PRRC2A: variants seen among roughly 807,000 people sequenced by gnomAD.
PRRC2A encodes protein PRRC2A.
Under a neutral mutation model 224.6 loss-of-function variants are expected in PRRC2A, and 59 were observed. The observed-to-expected ratio is 0.26, with a 90% CI of 0.21 to 0.33. The LOEUF (loss-of-function observed/expected upper bound fraction) is 0.33, where lower values mean the gene tolerates loss of function less well. Ranked by LOEUF, PRRC2A falls within the 10% of genes least tolerant of loss-of-function variation. The pLI is 1.00. For missense variants in PRRC2A, 3,095 were observed against 2,880.7 expected, an observed-to-expected ratio of 1.07 and a Z score of -1.70; for synonymous variants, 1,194 against 1,109.5, an observed-to-expected ratio of 1.08 and a Z score of -1.51.
chr6:31,631,818 G>A lies in PRRC2A; in HGVS notation c.3145G>A (p.Ala1049Thr), dbSNP rs1468298845. The A allele has an allele frequency of 6.3e-6, 10 of 1,594,276 alleles. No individual in the cohort carries two copies. The highest frequency in any genetic ancestry group is 2.2e-5 in the East Asian group (1 of 44,550). The stretch of plus-strand genomic sequence containing the variant: ...GACCTATGGGGGACGAGGGCGGGGA[G>A]CCCGAAGCCGGGAATTCCGCAGTTA... Reference protein sequence around the residue: ...RGTYGGRGRGARSREFRSYRE... With the variant: ...RGTYGGRGRGTRSREFRSYRE... Residue 1049 changes from alanine to threonine, a missense_variant, in exon 16 of 31, where the codon GCC becomes ACC. By Grantham distance (58) the Ala-to-Thr change is moderately conservative (BLOSUM62 0). This residue lies in a region of PRRC2A where 2,001 missense variants were observed against 1,764.9 expected (regional missense o/e 1.13). Coordinates refer to ENST00000376033, the MANE Select transcript of PRRC2A (RefSeq NM_004638.4). The surrounding 1 kb of genome is among the most constrained non-coding windows in gnomAD (Gnocchi z 4.5).
chr6:31,627,982 G>A lies in PRRC2A; in HGVS notation c.1508G>A (p.Arg503Gln), dbSNP rs774627232. Reference protein sequence around the residue: ...LDEKFGAPDKRLKAEPAAPPA... With the variant: ...LDEKFGAPDKQLKAEPAAPPA... Reference sequence around the variant, plus strand: ...GAAAAGTTTGGGGCACCTGACAAGCGGCTCAAAGCAGAGCCTGCTGCCCCA... The same window carrying A: ...GAAAAGTTTGGGGCACCTGACAAGCAGCTCAAAGCAGAGCCTGCTGCCCCA... The change falls in exon 12 of 31, where the codon CGG becomes CAG. Residue 503 changes from arginine to glutamine, a missense_variant. Coordinates refer to ENST00000376033, the MANE Select transcript of PRRC2A (RefSeq NM_004638.4). The surrounding 1 kb of genome is among the most constrained non-coding windows in gnomAD (Gnocchi z 5.6). 146 of 1,612,814 alleles carry A rather than the reference G, an allele frequency of 9.1e-5. No individual in the cohort carries two copies. Among genetic ancestry groups the A allele is most frequent in the Non-Finnish European group, 1.2e-4 (137 of 1,180,008 alleles).
At chr6:31,624,660 A>G (rs1775690963) in intron 5 of PRRC2A, 138 bp downstream of exon 5, 2 of 967,532 alleles carry the variant, frequency 2.1e-6, no homozygotes, top group Non-Finnish European at 1.6e-6. Context: ...ATGGAGGCAC[A>G]TGAGCAAGTT....
rs763750945 is a variant in PRRC2A, at chr6:31,636,579, T to A, written c.5905T>A (p.Phe1969Ile). The A allele has an allele frequency of 1.9e-6, 3 of 1,606,970 alleles. No individual in the cohort carries two copies. The South Asian group carries it at 3.3e-5, about 18-fold the overall frequency. ...TCTGCAGCCTGGTGGCCAAAGTGGC[T>A]TTCTCCCTTCAGGGGCTCCTGCCCA... ...TPLQPGGQSG[F>I]LPSGAPAQQM... Residue 1969 changes from phenylalanine to isoleucine, a missense_variant, in exon 27 of 31, where the codon TTT (phenylalanine) becomes ATT (isoleucine). Around this residue, in one of 8 missense-constraint regions of PRRC2A, gnomAD observed 662 missense variants for 609.5 expected, o/e 1.09. Transcript: ENST00000376033. The surrounding 1 kb of genome is among the most constrained non-coding windows in gnomAD (Gnocchi z 4.3).
intron 21 of PRRC2A, 73 bp downstream of exon 21, chr6:31,635,050 C>T (rs763261359): frequency 1.3e-6 from 2 of 1,596,702 alleles, no homozygotes; most frequent in Admixed American, 1.7e-5. Flanking sequence ...TCTGCTTTTT[C>T]TCTCTGCGTG....
chr6:31,625,953 C>G lies in PRRC2A; in HGVS notation c.840-67C>G. 4 of 1,594,538 alleles carry G rather than the reference C, an allele frequency of 2.5e-6. No individual in the cohort carries two copies. The highest frequency in any genetic ancestry group is 3.4e-6 in the Non-Finnish European group (4 of 1,167,202). On this transcript the variant is annotated intron_variant, in intron 8 of 30. Coordinates refer to ENST00000376033, the MANE Select transcript of PRRC2A (RefSeq NM_004638.4). This position sits in a 1 kb window ranked among gnomAD's most constrained non-coding sequence, Gnocchi z 4.1. Reference sequence around the variant, plus strand: ...GAGATGGTTTTCTAGCCAGGAGGCTCAGTCTAGGATCAGTCTCGCATGTGG... The same window carrying G: ...GAGATGGTTTTCTAGCCAGGAGGCTGAGTCTAGGATCAGTCTCGCATGTGG...
Position 31,627,429 on chromosome 6 carries a change from G to A in PRRC2A, c.1290+231G>A, listed in dbSNP as rs903140749. On this transcript the variant is annotated intron_variant, in intron 11 of 30. Transcript: ENST00000376033. This position sits in a 1 kb window ranked among gnomAD's most constrained non-coding sequence, Gnocchi z 5.6. ...AGGAAAGAAGAAAAAGGAGCCCTGGGTGTTTGGGTTTCGGAAGGAGAGAGG... is the reference window on the plus strand; with the variant it reads ...AGGAAAGAAGAAAAAGGAGCCCTGGATGTTTGGGTTTCGGAAGGAGAGAGG... Among the ~76,000 whole-genome samples the A allele has an allele frequency of 6.6e-5, 10 of 152,186 alleles. No individual in the cohort carries two copies. In the South Asian group the frequency reaches 1.0e-3, roughly 16 times the overall value.
chr6:31,632,479 G>T lies in PRRC2A; in HGVS notation c.3806G>T (p.Arg1269Met). The change falls in exon 16 of 31, where the codon AGG becomes ATG. Residue 1269 changes from arginine to methionine, a missense_variant. Arg to Met is a moderately conservative substitution (Grantham distance 91). Around this residue, in one of 8 missense-constraint regions of PRRC2A, gnomAD observed 2,001 missense variants for 1,764.9 expected, o/e 1.13. Transcript: ENST00000376033. ...RLKQERENAARGSEGKPSLTL... is the reference protein window; with the variant it reads ...RLKQERENAAMGSEGKPSLTL... ...AAGCAGGAACGGGAGAATGCCGCAA[G>T]GGGGTCTGAGGGCAAGCCCTCCCTA... The T allele has an allele frequency of 2.5e-6, 4 of 1,606,938 alleles. No individual in the cohort carries two copies. In the South Asian group the frequency reaches 4.4e-5, roughly 18 times the overall value.
At chr6:31,621,353 C>G (rs928626663) in intron 1 of PRRC2A, among the ~76,000 whole-genome samples, 1 of 152,186 alleles carries the variant, frequency 6.6e-6, no homozygotes, top group African/African-American at 2.4e-5. Context: ...CTGCTTTTAT[C>G]CCAGCATCTT....
intron 2 of PRRC2A, among the ~76,000 whole-genome samples, chr6:31,623,522 C>A (rs1583179116): frequency 6.6e-6 from 1 of 152,254 alleles, no homozygotes. Context: ...CTGCCTCGGC[C>A]TGCCAAAGTG....
chr6:31,635,374 C>A lies in PRRC2A; in HGVS notation c.5302-20C>A. On this transcript the variant is annotated intron_variant, in intron 22 of 30. Coordinates refer to ENST00000376033, the MANE Select transcript of PRRC2A (RefSeq NM_004638.4). The stretch of plus-strand genomic sequence containing the variant: ...CATGTCTGTCACGGGACAATGTCTC[C>A]TGCCTTCTTGTGATCACAGGACTCA... 1 of 1,614,206 alleles carries A rather than the reference C, an allele frequency of 6.2e-7. No individual in the cohort carries two copies. Among genetic ancestry groups the A allele is most frequent in the Non-Finnish European group, 8.5e-7 (1 of 1,180,004 alleles).
In PRRC2A at chr6:31,636,701, C is replaced by T; in HGVS notation, c.5935-32C>T. ...TGGTTTTCTGACATTCCTCCCTGCC[C>T]CCAACATGCACACCCAAATTTCTTG... On this transcript the variant is annotated intron_variant, in intron 27 of 30. Coordinates refer to ENST00000376033, the MANE Select transcript of PRRC2A (RefSeq NM_004638.4). The surrounding 1 kb of genome is among the most constrained non-coding windows in gnomAD (Gnocchi z 4.3). 6.2e-7 allele frequency: 1 copy of T among 1,602,912 alleles called. No homozygotes were observed. Among genetic ancestry groups the T allele is most frequent in the Non-Finnish European group, 8.5e-7 (1 of 1,174,298 alleles).
In PRRC2A at chr6:31,630,678, G is replaced by A. The variant is rs1776449603; in HGVS notation, c.2342G>A (p.Gly781Asp). The A allele has an allele frequency of 6.2e-7, 1 of 1,614,144 alleles. No homozygotes were observed. The highest frequency in any genetic ancestry group is 8.5e-7 in the Non-Finnish European group (1 of 1,180,012). Reference sequence around the variant, plus strand: ...GCACCTGCTATGTTACGGGAACGGGGCACTCCACCGGTGGATCCAAAGTTG... The same window carrying A: ...GCACCTGCTATGTTACGGGAACGGGACACTCCACCGGTGGATCCAAAGTTG... ...RHAPAMLRERGTPPVDPKLAW... is the reference protein window; with the variant it reads ...RHAPAMLRERDTPPVDPKLAW... Residue 781 changes from glycine to aspartate, a missense_variant, in exon 15 of 31, where the codon GGC (glycine) becomes GAC (aspartate). By Grantham distance (94) the Gly-to-Asp change is moderately conservative. Coordinates refer to ENST00000376033, the MANE Select transcript of PRRC2A (RefSeq NM_004638.4).
intron 1 of PRRC2A, among the ~76,000 whole-genome samples, chr6:31,621,429 C>T (rs531838500): frequency 6.6e-6 from 1 of 152,256 alleles, no homozygotes; most frequent in South Asian, 2.1e-4. Context: ...CGTCTCCTTT[C>T]TCCCCCAACC....
rs572371774 is a variant in PRRC2A, at chr6:31,633,618, C to A, written c.4559C>A (p.Pro1520His). 99 of 1,612,284 alleles carry A rather than the reference C, an allele frequency of 6.1e-5. 1 individual carries two copies. In the South Asian group the frequency reaches 1.1e-3, roughly 18 times the overall value. The change falls in exon 17 of 31, where the codon CCC becomes CAC. Residue 1520 changes from proline to histidine, a missense_variant. Pro to His is a moderately conservative substitution (Grantham distance 77). Coordinates refer to ENST00000376033, the MANE Select transcript of PRRC2A (RefSeq NM_004638.4). ...CCTAGGCCCCCAACCCGATACGAGC[C>A]CCAGAGGGTCAACAGCGGCCTCAGT... The part of the protein sequence containing the change: ...PSPRPPTRYE[P>H]QRVNSGLSSD...
chr6:31,626,426 G>A (rs938731343), intron 9 of PRRC2A, among the ~76,000 whole-genome samples: 4 of 151,922 alleles, frequency 2.6e-5, no homozygotes, highest in African/African-American at 9.7e-5. Flanking sequence ...GGTGTGGACT[G>A]TGCATCTGTG....
In PRRC2A at chr6:31,629,304, G is replaced by A. The variant is rs140889905; in HGVS notation, c.1926G>A (p.Ser642=). 1.9e-5 allele frequency: 30 copies of A among 1,576,084 alleles called. No homozygotes were observed. In the African/African-American group the frequency reaches 2.5e-4, roughly 13 times the overall value. Residue 642 remains serine (S), a synonymous_variant, in exon 13 of 31, where the codon TCG becomes TCA. Transcript: ENST00000376033. ...QGLGYPKYQK[S]LPPRFQRQQQ... ...TGGGCTACCCCAAATATCAGAAGTC[G>A]TTGCCTCCTCGTTTCCAGCGGCAGC...
At chr6:31,629,947 T>C in intron 14 of PRRC2A, 102 bp downstream of exon 14, 1 of 1,531,160 alleles carries the variant, frequency 6.5e-7, no homozygotes, top group Non-Finnish European at 8.8e-7. Flanking sequence ...GTTTTGCCCA[T>C]CATAGTGATG....
rs572086160 is a variant in PRRC2A, at chr6:31,634,061, C to G, written c.4719+72C>G. On this transcript the variant is annotated intron_variant, in intron 18 of 30. Coordinates refer to ENST00000376033, the MANE Select transcript of PRRC2A (RefSeq NM_004638.4). ...AAAATTCTTCTGGGTTATGTTTTCT[C>G]TGTTTTCTTTCCTGTTTCTTTCACT... 53 of 1,582,136 alleles carry G rather than the reference C, an allele frequency of 3.3e-5. No individual in the cohort carries two copies. The African/African-American group carries it at 7.0e-4, about 21-fold the overall frequency.
intron 30 of PRRC2A, 21 bp downstream of exon 30, chr6:31,637,345 G>T: frequency 6.2e-7 from 1 of 1,604,902 alleles, no homozygotes; most frequent in Non-Finnish European, 8.5e-7. Context: ...AACCCTTGTG[G>T]CCCCAACTCT....
Sources: allele counts gnomAD v4.1 joint callset (sites outside exome capture counted in the v4.1 genomes callset), GRCh38; gene constraint gnomAD v4.1.1; regional missense constraint gnomAD v4.1.1; non-coding constraint Gnocchi (gnomAD v3.1); transcripts MANE v1.5; gene names NCBI Gene and HGNC (gene_info 2026-07-23, HGNC 2026-07-21).